SLC39A11: variants seen among roughly 807,000 people sequenced by gnomAD.
SLC39A11 encodes zinc transporter ZIP11.
A neutral mutation model predicts 36.1 loss-of-function variants in SLC39A11; 33 were observed. The ratio of observed to expected loss-of-function variants is 0.91; its 90% CI spans 0.69 to 1.22. SLC39A11 has a LOEUF of 1.22. Ranked by LOEUF, SLC39A11 falls within the 50% of genes most tolerant of loss-of-function variation. The pLI, the probability that SLC39A11 is intolerant of heterozygous loss-of-function variation, is 0.00. For synonymous variants in SLC39A11, 166 were observed against 170.3 expected (o/e 0.97, Z 0.20); for missense variants, 432 against 430.3 (o/e 1.00, Z -0.03).
chr17:72,708,999 G>A (rs1454582893), intron 7 of SLC39A11, among the ~76,000 whole-genome samples: 4 of 151,122 alleles, frequency 2.6e-5, no homozygotes, highest in South Asian at 4.2e-4. Context: ...GCAGTGACGC[G>A]ATCTCGGCTC....
intron 5 of SLC39A11, among the ~76,000 whole-genome samples, chr17:72,916,816 C>T (rs916956281): frequency 4.6e-5 from 7 of 152,172 alleles, no homozygotes; most frequent in Non-Finnish European, 8.8e-5. Flanking sequence ...ATGGCAAGCC[C>T]ACCCAACTCA....
intron 7 of SLC39A11, among the ~76,000 whole-genome samples, chr17:72,670,073 CGTATAGATGTATATACACACATAT>C (rs1567927214): frequency 2.8e-5 from 4 of 143,570 alleles, no homozygotes; most frequent in African/African-American, 7.8e-5. Context: ...CATATATATA[CGTATAGATGTATATACACACATAT>C]ATATACTTGT....
At chr17:72,998,802 AC>A (rs2089658921) in intron 4 of SLC39A11, among the ~76,000 whole-genome samples, 2 of 152,140 alleles carry the variant, frequency 1.3e-5, no homozygotes, top group Non-Finnish European at 2.9e-5. Flanking sequence ...CGCTGAAATG[AC>A]TCAGTAAAGT....
intron 4 of SLC39A11, among the ~76,000 whole-genome samples, chr17:72,976,522 G>A (rs925860082): frequency 4.6e-5 from 7 of 152,150 alleles, no homozygotes; most frequent in African/African-American, 9.7e-5. Context: ...AAATGACACC[G>A]AGGGGGAAAA....
At chr17:72,806,903 C>G (rs2077274617) in intron 6 of SLC39A11, among the ~76,000 whole-genome samples, 1 of 152,158 alleles carries the variant, frequency 6.6e-6, no homozygotes, top group South Asian at 2.1e-4. Context: ...GCTTTTTAAG[C>G]TCCATTTTCT....
At chr17:72,770,366 A>G (rs938876651) in intron 6 of SLC39A11, among the ~76,000 whole-genome samples, 3 of 152,222 alleles carry the variant, frequency 2.0e-5, no homozygotes, top group Non-Finnish European at 2.9e-5. Flanking sequence ...GTTTGGGAAG[A>G]TAAAAAAGTT....
chr17:72,842,330 GTTAT>G (rs933118727), intron 6 of SLC39A11, among the ~76,000 whole-genome samples: 6 of 152,124 alleles, frequency 3.9e-5, no homozygotes, highest in African/African-American at 1.4e-4. Context: ...ATTCTTCACA[GTTAT>G]CATCCAATGC....
At chr17:72,816,900 A>C (rs1325828455) in intron 6 of SLC39A11, among the ~76,000 whole-genome samples, 2 of 152,208 alleles carry the variant, frequency 1.3e-5, no homozygotes, top group African/African-American at 4.8e-5. Flanking sequence ...CTGATCCATT[A>C]ATATGTATGC....
At chr17:72,685,545 A>G (rs1439125080) in intron 7 of SLC39A11, among the ~76,000 whole-genome samples, 7 of 133,228 alleles carry the variant, frequency 5.3e-5, no homozygotes. Context: ...ATAAGCCCCA[A>G]AAGGATTCAT....
rs1555674316 is a variant in SLC39A11, at chr17:73,004,232, A to AG, written c.306+27323_306+27324insC. Among the ~76,000 whole-genome samples, 9 of 88,644 alleles carry AG rather than the reference A, an allele frequency of 1.0e-4. 1 individual carries two copies. In the East Asian group the frequency reaches 2.6e-3, roughly 25 times the overall value. The allele number at this position is 88,644 out of a possible 152,430, so 58.2% of individuals were successfully genotyped here. ...GAAAGAAAGAAAGAAAGAAAGAAAG[A>AG]AAAGAAAGAAAGAGAAAAAGCAAGC... On this transcript the variant is annotated intron_variant, in intron 4 of 9. Transcript: ENST00000255559.
chr17:72,696,959 T>G (rs2072333662), intron 7 of SLC39A11, among the ~76,000 whole-genome samples: 1 of 152,214 alleles, frequency 6.6e-6, no homozygotes, highest in Non-Finnish European at 1.5e-5. Flanking sequence ...AGACTGCTGA[T>G]TATGTGTCTG....
chr17:72,714,018 G>A (rs113843482), intron 7 of SLC39A11, among the ~76,000 whole-genome samples: 45 of 152,346 alleles, frequency 3.0e-4, no homozygotes, highest in African/African-American at 1.1e-3. Context: ...CAAAGGCCGT[G>A]CATAGATATT....
intron 6 of SLC39A11, among the ~76,000 whole-genome samples, chr17:72,752,279 C>G (rs1001636129): frequency 6.6e-6 from 1 of 152,192 alleles, no homozygotes; most frequent in Non-Finnish European, 1.5e-5. Flanking sequence ...GAGTCTCGCT[C>G]TGTCACCCGG....
At chr17:72,981,107 G>A (rs1308800368) in intron 4 of SLC39A11, among the ~76,000 whole-genome samples, 1 of 151,802 alleles carries the variant, frequency 6.6e-6, no homozygotes, top group Non-Finnish European at 1.5e-5. Context: ...AAGGAAACAG[G>A]TGAAATTAAT....
At chr17:72,723,747 G>A (rs1297978092) in intron 7 of SLC39A11, among the ~76,000 whole-genome samples, 1 of 152,118 alleles carries the variant, frequency 6.6e-6, no homozygotes. Flanking sequence ...AACCTTGTGG[G>A]CAATCTCAGG....
At chr17:73,004,207 G>C (rs1403697764) in intron 4 of SLC39A11, among the ~76,000 whole-genome samples, 2 of 126,768 alleles carry the variant, frequency 1.6e-5, no homozygotes, top group African/African-American at 2.9e-5. Context: ...AAGAAAGAAA[G>C]AAAGAAAGAA....
At chr17:72,668,679 G>A (rs1463262495) in intron 7 of SLC39A11, among the ~76,000 whole-genome samples, 1 of 152,208 alleles carries the variant, frequency 6.6e-6, no homozygotes, top group Non-Finnish European at 1.5e-5. Flanking sequence ...TCCACCACAT[G>A]GCCAAGAAAG....
intron 7 of SLC39A11, among the ~76,000 whole-genome samples, chr17:72,710,319 T>G (rs1345347423): frequency 8.5e-5 from 13 of 152,236 alleles, no homozygotes; most frequent in Admixed American, 8.5e-4. Flanking sequence ...CTTTCATCTC[T>G]GCTTTGGCTT....
intron 4 of SLC39A11, among the ~76,000 whole-genome samples, chr17:72,985,089 G>A (rs956960378): frequency 6.6e-6 from 1 of 152,236 alleles, no homozygotes; most frequent in Non-Finnish European, 1.5e-5. Flanking sequence ...TAAGTTGTCT[G>A]GGGCCACACC....
Sources: gnomAD v4.1 joint callset for allele counts (sites outside exome capture counted in the v4.1 genomes callset) on GRCh38, gnomAD v4.1.1 for gene constraint, MANE v1.5 for transcripts, NCBI Gene and HGNC (gene_info 2026-07-23, HGNC 2026-07-21) for gene names.